ZNF697: variants seen among roughly 807,000 people sequenced by gnomAD.
The protein encoded by ZNF697 is zinc finger protein 697.
In ZNF697, 23 loss-of-function variants were observed where a neutral mutation model predicts 32.4. That is an observed-to-expected ratio of 0.71 (90% confidence interval 0.51 to 1.01). ZNF697 has a LOEUF of 1.01. Among genes scored for constraint, ZNF697 ranks in the 50% least tolerant of loss-of-function variants. The pLI, the probability that ZNF697 is intolerant of heterozygous loss-of-function variation, is 0.00. For synonymous variants in ZNF697, 418 were observed against 337.2 expected, an observed-to-expected ratio of 1.24 and a Z score of -2.62; for missense variants, 930 against 794.0, an observed-to-expected ratio of 1.17 and a Z score of -2.06.
chr1:119,639,896 C>T (rs1052981143), intron 1 of ZNF697, among the ~76,000 whole-genome samples: 2 of 152,100 alleles, frequency 1.3e-5, no homozygotes, highest in African/African-American at 4.8e-5. Context: ...TGGAGCCATA[C>T]GACCTGTGTG....
At position 119,623,886 on chromosome 1, in the gene ZNF697, GC is replaced by G; in HGVS notation, c.456del (p.His153ThrfsTer85). The G allele has an allele frequency of 6.5e-7, 1 of 1,546,184 alleles. No homozygotes were observed. The highest frequency in any genetic ancestry group is 8.7e-7 in the Non-Finnish European group (1 of 1,143,586). ...PWRRHLSLGS[R>X]HRGDKPAHRR... ...CGGTGGGCGGGCTTGTCACCTCGGT[GC>G]CGACTCCCCAGGGAGAGATGTCGCC... is the stretch of plus-strand genomic sequence containing the variant. On this transcript the variant is annotated frameshift_variant, in exon 3 of 3. Coordinates refer to ENST00000421812, the MANE Select transcript of ZNF697 (RefSeq NM_001080470.2). LOFTEE classifies it high-confidence loss of function.
chr1:119,640,623 G>A (rs1376335191), intron 1 of ZNF697, among the ~76,000 whole-genome samples: 1 of 152,250 alleles, frequency 6.6e-6, no homozygotes, highest in East Asian at 1.9e-4. Flanking sequence ...AGGTGGCACA[G>A]TGCTGTTTAT....
chr1:119,647,054 G>A (rs1420951684), intron 1 of ZNF697, among the ~76,000 whole-genome samples: 1 of 151,594 alleles, frequency 6.6e-6, no homozygotes, highest in Non-Finnish European at 1.5e-5. Context: ...TGTAGTAAGG[G>A]GTGGGTGATT....
rs1648431279 is a variant in ZNF697, at chr1:119,623,428, G to A, written c.915C>T (p.Leu305=). ...CGCCCGTGTGCAGGCGCCGGTGCTT[G>A]AGCAGGTCGGCGCGCCAGCTGAAGC... ...GKSFSWRADL[L]KHRRLHTGEK... Residue 305 remains leucine, a synonymous_variant, in exon 3 of 3, where the codon CTC becomes CTT. Transcript: ENST00000421812. The A allele has an allele frequency of 2.0e-6, 3 of 1,537,470 alleles. No individual in the cohort carries two copies. The highest frequency in any genetic ancestry group is 1.4e-5 in the African/African-American group (1 of 69,124).
rs1451424844 is a variant in ZNF697 at position 119,634,742 on chromosome 1, CAT to C, written c.-37-8607_-37-8606del. Among the ~76,000 whole-genome samples, 5 of 152,142 alleles carry C rather than the reference CAT, an allele frequency of 3.3e-5. No homozygotes were observed. The South Asian group carries it at 6.2e-4, about 19-fold the overall frequency. ...GTAGAGAGACCTGTAGGTCAAAAAA[CAT>C]AAACAATATCAACCAACCCCAATAT... On this transcript the variant is annotated intron_variant, in intron 1 of 2. Transcript: ENST00000421812.
intron 1 of ZNF697, among the ~76,000 whole-genome samples, chr1:119,629,777 T>G (rs1302780576): frequency 6.6e-6 from 1 of 152,234 alleles, no homozygotes; most frequent in African/African-American, 2.4e-5. Context: ...TCATGGAGAA[T>G]GGCCTTTGGC....
In ZNF697 at chr1:119,622,687, C is replaced by A. The variant is rs1648375702; in HGVS notation, c.*18G>T. The A allele has an allele frequency of 6.7e-7, 1 of 1,492,524 alleles. No homozygotes were observed. The allele number at this position is 1,492,524 out of a possible 1,614,324, so 92.5% of individuals were successfully genotyped here. On this transcript the variant is annotated 3_prime_UTR_variant, in exon 3 of 3. Transcript: ENST00000421812. The stretch of plus-strand genomic sequence containing the variant: ...CCCCACAGGCTCCCCAGACGGCAGC[C>A]TCCCGCGGACCCAGCCCCTAACACA...
At chr1:119,632,066 C>T (rs1389761412) in intron 1 of ZNF697, among the ~76,000 whole-genome samples, 1 of 152,112 alleles carries the variant, frequency 6.6e-6, no homozygotes, top group East Asian at 1.9e-4. Flanking sequence ...ATCTTCAGCA[C>T]CAACTGGGTA....
chr1:119,641,421 G>A (rs987440094), intron 1 of ZNF697, among the ~76,000 whole-genome samples: 1 of 151,978 alleles, frequency 6.6e-6, no homozygotes, highest in African/African-American at 2.4e-5. Context: ...GTCACAGGTG[G>A]GGAGAAAATG....
intron 1 of ZNF697, among the ~76,000 whole-genome samples, chr1:119,626,526 G>A (rs1284090377): frequency 6.6e-6 from 1 of 152,228 alleles, no homozygotes; most frequent in Non-Finnish European, 1.5e-5. Flanking sequence ...AAGCAGTAGA[G>A]TGGGGATTAA....
Position 119,623,893 on chromosome 1 carries a change from C to G in ZNF697, c.450G>C (p.Gly150=), listed in dbSNP as rs775974979. 3.7e-5 allele frequency: 57 copies of G among 1,551,566 alleles called. No homozygotes were observed. Among genetic ancestry groups the G allele is most frequent in the Non-Finnish European group, 4.7e-5 (54 of 1,147,118 alleles). Residue 150 remains glycine (G), a synonymous_variant, in exon 3 of 3, where the codon GGG becomes GGC. Coordinates refer to ENST00000421812, the MANE Select transcript of ZNF697 (RefSeq NM_001080470.2). ...CGGGCTTGTCACCTCGGTGCCGACT[C>G]CCCAGGGAGAGATGTCGCCTCCAGG... ...VLPWRRHLSL[G]SRHRGDKPAH...
intron 1 of ZNF697, among the ~76,000 whole-genome samples, chr1:119,644,845 A>G (rs989614483): frequency 6.6e-6 from 1 of 152,164 alleles, no homozygotes; most frequent in Non-Finnish European, 1.5e-5. Flanking sequence ...TTTGTTTTCT[A>G]TTTCTATATG....
chr1:119,623,330 G>A lies in ZNF697; in HGVS notation c.1013C>T (p.Ala338Val). Residue 338 changes from alanine (A) to valine (V), a missense_variant, in exon 3 of 3, where the codon GCG (alanine) becomes GTG (valine). Coordinates refer to ENST00000421812, the MANE Select transcript of ZNF697 (RefSeq NM_001080470.2). ...CCCCGCGCCGCTGGCCGCCGCGTGC[G>A]CGCGCCGGTGGCTCAACAGATGCGA... ...LSSHLLSHRR[A>V]HAAASGAGAA... 7.5e-7 allele frequency: 1 copy of A among 1,340,118 alleles called. No individual in the cohort carries two copies. The highest frequency in any genetic ancestry group is 1.6e-5 in the African/African-American group (1 of 63,012). The allele number at this position is 1,340,118 out of a possible 1,614,324, so 83.0% of individuals were successfully genotyped here.
At chr1:119,638,894 G>A (rs147436024) in intron 1 of ZNF697, among the ~76,000 whole-genome samples, 179 of 152,232 alleles carry the variant, frequency 1.2e-3, no homozygotes, top group African/African-American at 4.1e-3. Flanking sequence ...TCAACAGCAC[G>A]GGTTAAAGTA....
At chr1:119,641,940 G>A (rs1034139350) in intron 1 of ZNF697, among the ~76,000 whole-genome samples, 3 of 152,162 alleles carry the variant, frequency 2.0e-5, no homozygotes, top group African/African-American at 4.8e-5. Context: ...AGCAGCATGA[G>A]AATGAACTAA....
chr1:119,634,607 A>G (rs1013929265), intron 1 of ZNF697, among the ~76,000 whole-genome samples: 7 of 152,252 alleles, frequency 4.6e-5, no homozygotes, highest in African/African-American at 9.6e-5. Context: ...ATTTCCTTAA[A>G]AATAACAGAT....
In ZNF697 at chr1:119,623,528, C is replaced by A. The variant is rs766826509; in HGVS notation, c.815G>T (p.Arg272Leu). The change falls in exon 3 of 3, where the codon CGC becomes CTC. Residue 272 changes from arginine to leucine, a missense_variant. Arg to Leu is a moderately radical substitution (Grantham distance 102). Coordinates refer to ENST00000421812, the MANE Select transcript of ZNF697 (RefSeq NM_001080470.2). ...RCGECGKGFS[R>L]NTYLTNHLRL... is the part of the protein sequence containing the mutation. ...CAGGTGGTTGGTCAGGTAGGTGTTG[C>A]GGCTGAAGCCCTTGCCGCACTCCCC... 2.6e-6 allele frequency: 4 copies of A among 1,557,310 alleles called. No homozygotes were observed. In the South Asian group the frequency reaches 3.5e-5, roughly 14 times the overall value.
chr1:119,639,892 C>T lies in ZNF697; in HGVS notation c.-38+7799G>A, dbSNP rs77432864. On this transcript the variant is annotated intron_variant, in intron 1 of 2. Coordinates refer to ENST00000421812, the MANE Select transcript of ZNF697 (RefSeq NM_001080470.2). The stretch of plus-strand genomic sequence containing the variant: ...CAAAAACCAAACAAGATTCTGGAGC[C>T]ATACGACCTGTGTGAATCCAGTCTA... Among the ~76,000 whole-genome samples the T allele has an allele frequency of 4.1e-3, 630 of 152,230 alleles. 3 individuals are homozygous for T. The highest frequency in any genetic ancestry group is 0.014 in the African/African-American group (595 of 41,542).
At chr1:119,639,203 C>A (rs1051336950) in intron 1 of ZNF697, among the ~76,000 whole-genome samples, 1 of 152,208 alleles carries the variant, frequency 6.6e-6, no homozygotes, top group Non-Finnish European at 1.5e-5. Context: ...CATCCCTCAC[C>A]CCTTTCAATC....
Sources: allele counts gnomAD v4.1 joint callset (sites outside exome capture counted in the v4.1 genomes callset), GRCh38; gene constraint gnomAD v4.1.1; transcripts MANE v1.5; gene names NCBI Gene and HGNC (gene_info 2026-07-23, HGNC 2026-07-21).